AATK: variants seen among roughly 807,000 people sequenced by gnomAD.
AATK encodes the protein serine/threonine-protein kinase LMTK1.
In AATK, 91 loss-of-function variants were observed where a neutral mutation model predicts 114.3. The ratio of observed to expected loss-of-function variants is 0.80; its 90% CI spans 0.67 to 0.95. The LOEUF (loss-of-function observed/expected upper bound fraction) is 0.95. AATK is among the 40% of genes least tolerant of loss of function. The pLI, the probability that AATK is intolerant of heterozygous loss-of-function variation, is 0.00. For missense variants in AATK, 2,176 were observed against 1,965.2 expected, an observed-to-expected ratio of 1.11 and a Z score of -2.03; for synonymous variants, 1,075 against 916.5, an observed-to-expected ratio of 1.17 and a Z score of -3.12.
At chr17:81,129,995 C>T (rs773150617) in intron 3 of AATK, among the ~76,000 whole-genome samples, 2 of 152,210 alleles carry the variant, frequency 1.3e-5, no homozygotes, top group Middle Eastern at 3.2e-3. Context: ...GGCTGGGGGC[C>T]CTCTCTAGGT....
At chr17:81,138,542 GCGTGCACACA>G (rs1273759129) in intron 1 of AATK, among the ~76,000 whole-genome samples, 2 of 123,692 alleles carry the variant, frequency 1.6e-5, no homozygotes, top group African/African-American at 6.5e-5. Context: ...ATACACGTTC[GCGTGCACACA>G]CGTGCACACA....
rs373803133 is a variant in AATK at position 81,122,849 on chromosome 17, C to T, written c.1113-26G>A. On this transcript the variant is annotated intron_variant, in intron 10 of 13. Transcript: ENST00000326724. ...CTGCGAGGAGGTCCCCCGGGGGCCA[C>T]GTCAGAGGCAACGCTGGCCAGGAAC... The T allele has an allele frequency of 7.0e-5, 100 of 1,431,782 alleles. No homozygotes were observed. The African/African-American group carries it at 1.2e-3, about 17-fold the overall frequency. 88.7% of individuals were successfully genotyped at this position (1,431,782 alleles called of 1,614,324 possible).
At chr17:81,149,583 A>T (rs1291028261) in intron 1 of AATK, among the ~76,000 whole-genome samples, 1 of 151,850 alleles carries the variant, frequency 6.6e-6, no homozygotes, top group Non-Finnish European at 1.5e-5. Context: ...CACCATGGCC[A>T]TTCCTGACCT....
At chr17:81,131,932 G>GT in intron 2 of AATK, 1 of 1,344,644 alleles carries the variant, frequency 7.4e-7, no homozygotes, top group Non-Finnish European at 9.9e-7. Context: ...AGCAGCCTTG[G>GT]ACCTTCACCT....
At chr17:81,140,172 C>T (rs911559951) in intron 1 of AATK, among the ~76,000 whole-genome samples, 2 of 152,170 alleles carry the variant, frequency 1.3e-5, no homozygotes, top group African/African-American at 4.8e-5. Context: ...CAGGCACGTG[C>T]CACCGGGCCT....
At chr17:81,119,657 C>T (rs2060665972) in intron 12 of AATK, 77 bp from the exon 13 acceptor site, 1 of 535,090 alleles carries the variant, frequency 1.9e-6, no homozygotes, top group Non-Finnish European at 2.5e-6. Context: ...AGTCACGGGC[C>T]CAGGCCCCGC....
At chr17:81,147,178 C>T (rs190863655) in intron 1 of AATK, among the ~76,000 whole-genome samples, 8 of 151,070 alleles carry the variant, frequency 5.3e-5, no homozygotes, top group Admixed American at 3.3e-4. Context: ...CTGGCTAACA[C>T]GGTGAAACCT....
At chr17:81,122,995 G>A (rs927360671) in intron 10 of AATK, among the ~76,000 whole-genome samples, 172 bp from the exon 11 acceptor site, 2 of 152,224 alleles carry the variant, frequency 1.3e-5, no homozygotes, top group Non-Finnish European at 2.9e-5. Context: ...GTGGGAGCAG[G>A]AGGTGGGCTG....
chr17:81,138,355 G>GCA (rs367739588), intron 1 of AATK, among the ~76,000 whole-genome samples: 2 of 107,878 alleles, frequency 1.9e-5, no homozygotes, highest in African/African-American at 7.5e-5. Context: ...ACATACCCAC[G>GCA]CACACACACT....
chr17:81,121,885 G>C lies in AATK; in HGVS notation c.2051C>G (p.Ala684Gly), dbSNP rs1276067739. The C allele has an allele frequency of 6.2e-7, 1 of 1,600,208 alleles. No individual in the cohort carries two copies. Among genetic ancestry groups the C allele is most frequent in the South Asian group, 1.1e-5 (1 of 90,940 alleles). Reference sequence around the variant, plus strand: ...ACAGCGGCTGCCGCTGTTGTTGTTGGCTGACACGTTGGAGCGCCAGTGCCC... The same window carrying C: ...ACAGCGGCTGCCGCTGTTGTTGTTGCCTGACACGTTGGAGCGCCAGTGCCC... Reference protein sequence around the residue: ...QRGHWRSNVSANNNSGSRCPE... With the variant: ...QRGHWRSNVSGNNNSGSRCPE... The change falls in exon 11 of 14, where the codon GCC becomes GGC. Residue 684 changes from alanine to glycine, a missense_variant. Coordinates refer to ENST00000326724, the MANE Select transcript of AATK (RefSeq NM_001080395.3).
intron 1 of AATK, among the ~76,000 whole-genome samples, chr17:81,138,344 CACAT>C (rs911262111): frequency 6.7e-6 from 1 of 150,368 alleles, no homozygotes; most frequent in Admixed American, 6.6e-5. Flanking sequence ...TGCACACCCA[CACAT>C]ACCCACGCAC....
intron 1 of AATK, among the ~76,000 whole-genome samples, chr17:81,149,836 C>T (rs1414034037): frequency 1.3e-5 from 2 of 152,212 alleles, no homozygotes; most frequent in Non-Finnish European, 2.9e-5. Flanking sequence ...TCAGCCCAGC[C>T]TCAAAATGCC....
chr17:81,120,268 T>G lies in AATK; in HGVS notation c.3668A>C (p.Glu1223Ala). 6.2e-7 allele frequency: 1 copy of G among 1,603,166 alleles called. No individual in the cohort carries two copies. The highest frequency in any genetic ancestry group is 8.5e-7 in the Non-Finnish European group (1 of 1,173,178). Residue 1223 changes from glutamate (E) to alanine (A), a missense_variant, in exon 11 of 14, where the codon GAG becomes GCG. By Grantham distance (107) the Glu-to-Ala change is moderately radical. Around this residue, in one of 4 missense-constraint regions of AATK, gnomAD observed 1,701 missense variants for 1,394.7 expected, o/e 1.22. Coordinates refer to ENST00000326724, the MANE Select transcript of AATK (RefSeq NM_001080395.3). ...MPSLLSETFC[E>A]DLERKKKAVS... is the part of the protein sequence containing the mutation. ...GGCCTTCTTCTTGCGTTCCAGGTCCTCGCAGAAGGTCTCGGACAGCAGGCT... is the reference window on the plus strand; with the variant it reads ...GGCCTTCTTCTTGCGTTCCAGGTCCGCGCAGAAGGTCTCGGACAGCAGGCT...
intron 1 of AATK, among the ~76,000 whole-genome samples, chr17:81,149,250 C>T (rs2061263710): frequency 2.0e-5 from 3 of 152,088 alleles, no homozygotes; most frequent in Admixed American, 6.5e-5. Context: ...AGCACATCAC[C>T]CACCACCACA....
At chr17:81,155,226 T>C (rs566058278) in intron 1 of AATK, among the ~76,000 whole-genome samples, 3 of 152,318 alleles carry the variant, frequency 2.0e-5, no homozygotes, top group Non-Finnish European at 2.9e-5. Context: ...ACTGCACGTG[T>C]GGCGGTGACC....
chr17:81,145,807 C>T (rs867719490), intron 1 of AATK, among the ~76,000 whole-genome samples: 3 of 149,284 alleles, frequency 2.0e-5, no homozygotes, highest in Middle Eastern at 3.6e-3. Context: ...CCGAAAAAAG[C>T]AATTTACAGA....
intron 1 of AATK, among the ~76,000 whole-genome samples, chr17:81,141,387 G>A (rs903607123): frequency 6.6e-6 from 1 of 152,190 alleles, no homozygotes; most frequent in African/African-American, 2.4e-5. Context: ...GGAGACGGAG[G>A]TTGCGGTGAG....
intron 1 of AATK, among the ~76,000 whole-genome samples, chr17:81,142,861 G>A (rs369304528): frequency 1.3e-5 from 2 of 151,890 alleles, no homozygotes; most frequent in Non-Finnish European, 2.9e-5. Context: ...AGGTGTGGAC[G>A]CATCATCGGC....
In AATK at chr17:81,118,400, T is replaced by C. The variant is rs748435894; in HGVS notation, c.*2A>G. 1.9e-6 allele frequency: 3 copies of C among 1,605,754 alleles called. No individual in the cohort carries two copies. In the South Asian group the frequency reaches 3.4e-5, roughly 18 times the overall value. ...CCTTGAGGGGCAGGAGCTGCCCAGGTCTCAAGCCTCTTTACTCTCACCCCC... is the reference window on the plus strand; with the variant it reads ...CCTTGAGGGGCAGGAGCTGCCCAGGCCTCAAGCCTCTTTACTCTCACCCCC... On this transcript the variant is annotated 3_prime_UTR_variant, in exon 14 of 14. Transcript: ENST00000326724.
Sources: allele counts gnomAD v4.1 joint callset (sites outside exome capture counted in the v4.1 genomes callset), GRCh38; gene constraint gnomAD v4.1.1; regional missense constraint gnomAD v4.1.1; transcripts MANE v1.5; gene names NCBI Gene and HGNC (gene_info 2026-07-23, HGNC 2026-07-21).